Variants in INPP4B observed in about 807,000 individuals in gnomAD.
INPP4B encodes inositol polyphosphate-4-phosphatase type II B, also known as inositol polyphosphate 4-phosphatase type II.
Under a neutral mutation model 122.5 loss-of-function variants are expected in INPP4B, and 55 were observed. The observed-to-expected ratio is 0.45, with a 90% CI of 0.36 to 0.56. The LOEUF (loss-of-function observed/expected upper bound fraction) is 0.56, where lower values mean the gene tolerates loss of function less well. Ranked by LOEUF, INPP4B falls within the 20% of genes least tolerant of loss-of-function variation. The pLI, the probability that INPP4B is intolerant of heterozygous loss-of-function variation, is 0.00. For synonymous variants in INPP4B, 403 were observed against 388.7 expected (o/e 1.04, Z -0.43); for missense variants, 1,000 against 1,097.7 (o/e 0.91, Z 1.26).
At chr4:142,537,428 ATAGAGAGAGAGAG>A (rs1391824677) in intron 2 of INPP4B, among the ~76,000 whole-genome samples, 1 of 42,112 alleles carries the variant, frequency 2.4e-5, no homozygotes, top group East Asian at 1.5e-3. Context: ...ATATATATAT[ATAGAGAGAGAGAG>A]AGAGAGAGAG....
rs77417736 is a variant in INPP4B, at chr4:142,424,942, T to A, written c.136+4231A>T. 1.4e-4 allele frequency among the ~76,000 whole-genome samples: 22 copies of A among 152,198 alleles called. No homozygotes were observed. The East Asian group carries it at 4.3e-3, about 29-fold the overall frequency. On this transcript the variant is annotated intron_variant, in intron 5 of 25. Transcript: ENST00000262992. The stretch of plus-strand genomic sequence containing the variant: ...TATATTAATATAAAATTACACCAGC[T>A]AATGTAGATTTACCCATTTTAGAGA...
Position 142,145,909 on chromosome 4 carries a change from C to T in INPP4B, c.1651G>A (p.Gly551Ser), listed in dbSNP as rs1810448533. 1.2e-6 allele frequency: 2 copies of T among 1,613,866 alleles called. No individual in the cohort carries two copies. Among genetic ancestry groups the T allele is most frequent in the African/African-American group, 1.3e-5 (1 of 75,010 alleles). Residue 551 changes from glycine to serine, a missense_variant, in exon 18 of 26, where the codon GGC becomes AGC. Physicochemically the swap from Gly to Ser is moderately conservative, Grantham distance 56. Transcript: ENST00000262992. ...TCTCCATCATTGTTGCCGCCACTGC[C>T]TTCACTGCCACCATCTCTTTCAATC... ...KLIERDGGSE[G>S]SGGNNDGEKE...
chr4:142,407,760 C>G (rs1562032854), intron 5 of INPP4B, among the ~76,000 whole-genome samples: 1 of 152,072 alleles, frequency 6.6e-6, no homozygotes, highest in Non-Finnish European at 1.5e-5. Flanking sequence ...AGCTGTGCTC[C>G]CAGATTTCCT....
chr4:142,590,253 T>C (rs945153882), intron 2 of INPP4B, among the ~76,000 whole-genome samples: 2 of 152,190 alleles, frequency 1.3e-5, no homozygotes, highest in Non-Finnish European at 2.9e-5. Flanking sequence ...AAGTGAAACT[T>C]AATGTATGCA....
chr4:142,201,804 A>C (rs1197547179), intron 14 of INPP4B, among the ~76,000 whole-genome samples: 1 of 152,086 alleles, frequency 6.6e-6, no homozygotes, highest in Non-Finnish European at 1.5e-5. Context: ...TGGTCGGTAA[A>C]ATCCGTATTA....
chr4:142,576,050 A>T (rs1199123247), intron 2 of INPP4B, among the ~76,000 whole-genome samples: 1 of 152,038 alleles, frequency 6.6e-6, no homozygotes, highest in Non-Finnish European at 1.5e-5. Flanking sequence ...AGATATCGTT[A>T]TTGATTTCCC....
At chr4:142,333,034 A>C (rs1316567672) in intron 7 of INPP4B, among the ~76,000 whole-genome samples, 1 of 151,336 alleles carries the variant, frequency 6.6e-6, no homozygotes, top group Non-Finnish European at 1.5e-5. Flanking sequence ...AAAACAAAAA[A>C]AAAACCTTCT....
intron 12 of INPP4B, among the ~76,000 whole-genome samples, chr4:142,236,070 A>G (rs770733908): frequency 6.6e-6 from 1 of 151,980 alleles, no homozygotes; most frequent in Non-Finnish European, 1.5e-5. Context: ...TCATCTGGCA[A>G]CTCCTCTTCT....
At position 142,803,631 on chromosome 4, in the gene INPP4B, G is replaced by A. The variant is rs117511602; in HGVS notation, c.-254+42578C>T. On this transcript the variant is annotated intron_variant, in intron 1 of 25. Transcript: ENST00000262992. ...TAAGAAATATGTCTCTGGCTTCCCA[G>A]GGGAATTCAATAAAACTTAAAAAAA... Among the ~76,000 whole-genome samples the A allele has an allele frequency of 2.6e-3, 380 of 148,612 alleles. 5 individuals carry two copies. The highest frequency in any genetic ancestry group is 0.019 in the East Asian group (96 of 5,092).
At chr4:142,498,405 C>T (rs1309065245) in intron 2 of INPP4B, among the ~76,000 whole-genome samples, 1 of 151,942 alleles carries the variant, frequency 6.6e-6, no homozygotes, top group Non-Finnish European at 1.5e-5. Context: ...ATAATTAGAG[C>T]TACCTTAAAA....
At chr4:142,668,958 G>A (rs1185184055) in intron 2 of INPP4B, among the ~76,000 whole-genome samples, 1 of 152,118 alleles carries the variant, frequency 6.6e-6, no homozygotes, top group Non-Finnish European at 1.5e-5. Flanking sequence ...AGGAGGCTGA[G>A]GCAGGAGAAT....
chr4:142,269,535 C>A (rs1744720665), intron 10 of INPP4B, among the ~76,000 whole-genome samples: 1 of 152,008 alleles, frequency 6.6e-6, no homozygotes, highest in African/African-American at 2.4e-5. Flanking sequence ...AAGTAGAGGG[C>A]AGAATGATGG....
At chr4:142,340,767 C>T (rs1207497777) in intron 7 of INPP4B, among the ~76,000 whole-genome samples, 3 of 152,094 alleles carry the variant, frequency 2.0e-5, no homozygotes, top group Non-Finnish European at 4.4e-5. Context: ...TATTCTTCCC[C>T]TCTATGGGTA....
intron 2 of INPP4B, among the ~76,000 whole-genome samples, chr4:142,542,602 G>A (rs1448762145): frequency 6.6e-6 from 1 of 152,142 alleles, no homozygotes; most frequent in Non-Finnish European, 1.5e-5. Flanking sequence ...GGATTATGGA[G>A]TTGATTATTA....
At chr4:142,257,200 G>T (rs560923946) in intron 11 of INPP4B, among the ~76,000 whole-genome samples, 1 of 152,030 alleles carries the variant, frequency 6.6e-6, no homozygotes, top group South Asian at 2.1e-4. Flanking sequence ...TTGACGGGAC[G>T]TATCTCAAAA....
intron 23 of INPP4B, among the ~76,000 whole-genome samples, chr4:142,095,533 G>A (rs1781448555): frequency 6.6e-6 from 1 of 152,104 alleles, no homozygotes; most frequent in Non-Finnish European, 1.5e-5. Context: ...GGGATGATGA[G>A]TCTCAATATT....
At position 142,028,893 on chromosome 4, in the gene INPP4B, ATTCTCTATGCGGCATCC is replaced by A; in HGVS notation, c.2647_2663del (p.Gly883CysfsTer35). ...TTCTGCATTTGATATTCTTCAGTAC[ATTCTCTATGCGGCATCC>A]TTCTCTGGTGAAAGGGGAAAAAGTA... On this transcript the variant is annotated frameshift_variant, in exon 26 of 26. Coordinates refer to ENST00000262992, the MANE Select transcript of INPP4B (RefSeq NM_001101669.3). LOFTEE classifies it high-confidence loss of function. 1 of 1,612,698 alleles carries A rather than the reference ATTCTCTATGCGGCATCC, an allele frequency of 6.2e-7. No homozygotes were observed. Among genetic ancestry groups the A allele is most frequent in the Non-Finnish European group, 8.5e-7 (1 of 1,179,332 alleles).
intron 2 of INPP4B, among the ~76,000 whole-genome samples, chr4:142,532,843 T>A (rs895348941): frequency 1.3e-5 from 2 of 152,210 alleles, no homozygotes; most frequent in East Asian, 1.9e-4. Context: ...TAAATTCAGA[T>A]TTTTTAAATC....
chr4:142,728,854 G>A (rs1765683462), intron 1 of INPP4B, among the ~76,000 whole-genome samples: 1 of 152,112 alleles, frequency 6.6e-6, no homozygotes, highest in Admixed American at 6.5e-5. Context: ...CTTAATTAGT[G>A]GTAATGTGTT....
Sources: gnomAD v4.1 joint callset for allele counts (sites outside exome capture counted in the v4.1 genomes callset) on GRCh38, gnomAD v4.1.1 for gene constraint, MANE v1.5 for transcripts, NCBI Gene and HGNC (gene_info 2026-07-23, HGNC 2026-07-21) for gene names.